The following VASP variants were observed in gnomAD, a reference collection of about 807,000 sequenced individuals.
VASP encodes the protein vasodilator stimulated phosphoprotein, also known as vasodilator-stimulated phosphoprotein.
VASP carries 27 observed loss-of-function variants against 54.4 expected under a neutral mutation model. The observed-to-expected ratio is 0.50, with a 90% CI of 0.37 to 0.68. The LOEUF (loss-of-function observed/expected upper bound fraction) is 0.68, where lower values mean the gene tolerates loss of function less well. Among genes scored for constraint, VASP ranks in the 30% least tolerant of loss-of-function variants. The pLI, the probability that VASP is intolerant of heterozygous loss-of-function variation, is 0.00. For missense variants in VASP, 488 were observed against 528.3 expected (o/e 0.92, Z 0.75); for synonymous variants, 233 against 209.8 (o/e 1.11, Z -0.96).
At chr19:45,513,057 G>A (rs4802259) in intron 1 of VASP, among the ~76,000 whole-genome samples, 1 of 151,858 alleles carries the variant, frequency 6.6e-6, no homozygotes, top group African/African-American at 2.4e-5. Context: ...TGTGTGATCT[G>A]GGGCAAGTGC....
intron 6 of VASP, 26 bp downstream of exon 6, chr19:45,522,607 G>A (rs1968865829): frequency 6.7e-7 from 1 of 1,498,442 alleles, no homozygotes; most frequent in African/African-American, 1.4e-5. Context: ...AGGTGGGCAG[G>A]GGGCAACAGG....
At chr19:45,521,263 G>A (rs934677373) in intron 3 of VASP, 59 bp from the exon 4 acceptor site, 19 of 1,485,948 alleles carry the variant, frequency 1.3e-5, no homozygotes, top group Admixed American at 3.9e-5. Flanking sequence ...CAAGGGAAGC[G>A]CCAAGAGCTG....
Position 45,523,190 on chromosome 19 carries a change from A to ATTTTTTTTTTTTTT in VASP, c.821+389_821+402dup, listed in dbSNP as rs61288703. On this transcript the variant is annotated intron_variant, in intron 7 of 12. Transcript: ENST00000245932. ...TGATTCTAGAACCACAATCTCTTGA[A>ATTTTTTTTTTTTTT]TTTTTTTTTTTTTTTTTTTTTTTTT... 4.0e-5 allele frequency among the ~76,000 whole-genome samples: 3 copies of ATTTTTTTTTTTTTT among 74,730 alleles called. 1 individual carries two copies. Among genetic ancestry groups the ATTTTTTTTTTTTTT allele is most frequent in the East Asian group, 9.1e-4 (2 of 2,194 alleles). 49.0% of individuals were successfully genotyped at this position (74,730 alleles called of 152,430 possible). A position where few individuals can be genotyped will look rare whatever the true frequency, so the allele number is the denominator to read the frequency against.
intron 9 of VASP, 71 bp downstream of exon 9, chr19:45,523,948 C>A: frequency 3.7e-6 from 6 of 1,610,684 alleles, no homozygotes; most frequent in Non-Finnish European, 5.1e-6. Context: ...ATGTTAAGCA[C>A]CCTTATAGGA....
Position 45,507,667 on chromosome 19 carries a change from G to A in VASP, c.-105G>A. ...GACTCTATGGGGCGGGACCCTGGGG[G>A]AGCCTGAGCCGAGCCCGGAGCCAGC... On this transcript the variant is annotated 5_prime_UTR_variant, in exon 1 of 13. Coordinates refer to ENST00000245932, the MANE Select transcript of VASP (RefSeq NM_003370.4). The surrounding 1 kb of genome is among the most constrained non-coding windows in gnomAD (Gnocchi z 4.4). The A allele has an allele frequency of 2.1e-6, 3 of 1,434,324 alleles. No individual in the cohort carries two copies. The highest frequency in any genetic ancestry group is 2.8e-6 in the Non-Finnish European group (3 of 1,068,234). The allele number at this position is 1,434,324 out of a possible 1,614,324, so 88.8% of individuals were successfully genotyped here. A position where few individuals can be genotyped will look rare whatever the true frequency, so the allele number is the denominator to read the frequency against.
intron 1 of VASP, among the ~76,000 whole-genome samples, chr19:45,508,605 A>G (rs1185575905): frequency 6.6e-6 from 1 of 152,096 alleles, no homozygotes; most frequent in Non-Finnish European, 1.5e-5. Flanking sequence ...CTGTCGAGAC[A>G]GCTGGTGTGG....
chr19:45,509,395 C>CT (rs1348081220), intron 1 of VASP, among the ~76,000 whole-genome samples: 1 of 152,174 alleles, frequency 6.6e-6, no homozygotes, highest in Non-Finnish European at 1.5e-5. Flanking sequence ...CCCTCCACCC[C>CT]CCCTCGCGTT....
chr19:45,512,800 T>C (rs1051600478), intron 1 of VASP, among the ~76,000 whole-genome samples: 13 of 151,558 alleles, frequency 8.6e-5, no homozygotes, highest in Non-Finnish European at 1.6e-4. Context: ...GGGGTTTCGC[T>C]ATGTTGCCCA....
rs756994412 is a variant in VASP at position 45,525,923 on chromosome 19, T to G, written c.1048-23T>G. ...GCAAGTCCCGGTACCCCCTCCTGAT[T>G]AGTTTTACCCCATTAATTTTAGGAG... On this transcript the variant is annotated intron_variant, in intron 11 of 12. Transcript: ENST00000245932. 1.0e-5 allele frequency: 16 copies of G among 1,603,258 alleles called. No individual in the cohort carries two copies. The South Asian group carries it at 1.7e-4, about 17-fold the overall frequency.
intron 1 of VASP, among the ~76,000 whole-genome samples, chr19:45,510,550 A>G (rs1449708973): frequency 6.6e-6 from 1 of 152,100 alleles, no homozygotes; most frequent in Non-Finnish European, 1.5e-5. Context: ...GAACAATGAT[A>G]CTATTACAAC....
chr19:45,522,208 T>G lies in VASP; in HGVS notation c.469T>G (p.Ser157Ala). ...GTCGGAGCACATAGAGCGCCGGGTCTCCAATGCAGGTGATGCTCAGATAGC... is the reference window on the plus strand; with the variant it reads ...GTCGGAGCACATAGAGCGCCGGGTCGCCAATGCAGGTGATGCTCAGATAGC... ...GPSEHIERRV[S>A]NAGGPPAPPA... is the part of the protein sequence containing the mutation. Residue 157 changes from serine to alanine, a missense_variant, in exon 5 of 13, where the codon TCC becomes GCC. Ser to Ala is a moderately conservative substitution (Grantham distance 99). Coordinates refer to ENST00000245932, the MANE Select transcript of VASP (RefSeq NM_003370.4). The G allele has an allele frequency of 6.2e-7, 1 of 1,614,144 alleles. No individual in the cohort carries two copies. Among genetic ancestry groups the G allele is most frequent in the Non-Finnish European group, 8.5e-7 (1 of 1,180,024 alleles).
In VASP at chr19:45,523,985, TGTAGTCTCCTGA is replaced by T. The variant is rs1968903611; in HGVS notation, c.910+110_911-99del. 1.2e-5 allele frequency: 19 copies of T among 1,609,470 alleles called. No individual in the cohort carries two copies. In the South Asian group the frequency reaches 1.9e-4, roughly 16 times the overall value. On this transcript the variant is annotated intron_variant, in intron 9 of 12. Coordinates refer to ENST00000245932, the MANE Select transcript of VASP (RefSeq NM_003370.4). Reference sequence around the variant, plus strand: ...AGTCAGGGCGAATGGTGCTGGGGATTGTAGTCTCCTGAGATGGGGCTTTGATCAGGGGCTGAT... The same window carrying T: ...AGTCAGGGCGAATGGTGCTGGGGATTGATGGGGCTTTGATCAGGGGCTGAT...
Position 45,516,983 on chromosome 19 carries a change from CAAA to C in VASP, c.6-659_6-657del, listed in dbSNP as rs112095290. On this transcript the variant is annotated intron_variant, in intron 1 of 12. Transcript: ENST00000245932. ...CGGGTGACAGAGTAAGACTCTGTCT[CAAA>C]AAAAAAAAAAAAAAAAAAAAGATTA... Among the ~76,000 whole-genome samples, 9 of 57,860 alleles carry C rather than the reference CAAA, an allele frequency of 1.6e-4. No individual in the cohort carries two copies. In the South Asian group the frequency reaches 2.7e-3, roughly 17 times the overall value. 38.0% of individuals were successfully genotyped at this position (57,860 alleles called of 152,430 possible). A position where few individuals can be genotyped will look rare whatever the true frequency, so the allele number is the denominator to read the frequency against.
In VASP at chr19:45,520,758, G is replaced by A. The variant is rs547689784; in HGVS notation, c.344-564G>A. On this transcript the variant is annotated intron_variant, in intron 3 of 12. Coordinates refer to ENST00000245932, the MANE Select transcript of VASP (RefSeq NM_003370.4). ...GCAAGTGGATCACTTGAGGTCAGGA[G>A]TTCGAGACCAGCCTAGCCAACATGG... Among the ~76,000 whole-genome samples the A allele has an allele frequency of 4.6e-5, 7 of 152,332 alleles. No individual in the cohort carries two copies. The Middle Eastern group carries it at 0.014, about 296-fold the overall frequency.
chr19:45,519,914 T>C (rs1368354078), intron 3 of VASP, among the ~76,000 whole-genome samples: 1 of 126,790 alleles, frequency 7.9e-6, no homozygotes, highest in African/African-American at 3.2e-5. Context: ...TTTTTTTTTT[T>C]TTTTTTTTAA....
chr19:45,509,391 A>C (rs1197242938), intron 1 of VASP, among the ~76,000 whole-genome samples: 177 of 132,468 alleles, frequency 1.3e-3, no homozygotes, highest in Non-Finnish European at 1.4e-3. Context: ...CCGCCCCTCC[A>C]CCCCCCCTCG....
At chr19:45,509,323 T>A (rs371618044) in intron 1 of VASP, among the ~76,000 whole-genome samples, 2 of 152,008 alleles carry the variant, frequency 1.3e-5, no homozygotes, top group Admixed American at 6.6e-5. Context: ...TTAGGGAGCG[T>A]CGCTCTCTTC....
rs976784735 is a variant in VASP at position 45,522,113 on chromosome 19, C to G, written c.429-55C>G. 1.2e-5 allele frequency: 20 copies of G among 1,609,692 alleles called. No homozygotes were observed. In the Admixed American group the frequency reaches 2.2e-4, roughly 17 times the overall value. On this transcript the variant is annotated intron_variant, in intron 4 of 12. Coordinates refer to ENST00000245932, the MANE Select transcript of VASP (RefSeq NM_003370.4). ...AGAGGACGGAGGTCGCTGGCCCCTT[C>G]GCTGGCCATCCTTAGGGCCCTGATT... is the stretch of plus-strand genomic sequence containing the variant.
In VASP at chr19:45,522,816, G is replaced by T. The variant is rs1400323499; in HGVS notation, c.819G>T (p.Arg273=). 1.9e-6 allele frequency: 3 copies of T among 1,606,148 alleles called. No homozygotes were observed. The highest frequency in any genetic ancestry group is 2.5e-6 in the Non-Finnish European group (3 of 1,177,260). Residue 273 remains arginine (R), a splice_region_variant and synonymous_variant, in exon 7 of 13, where the codon CGG becomes CGT. Coordinates refer to ENST00000245932, the MANE Select transcript of VASP (RefSeq NM_003370.4). ...LMEEMNAMLA[R]RRKATQVGEK... is the part of the protein sequence containing the mutation. ...AAGAGATGAACGCCATGCTGGCCCG[G>T]AGGTGAGCCTGAGCCTGGACCCCCA...
Sources: gnomAD v4.1 joint callset for allele counts (sites outside exome capture counted in the v4.1 genomes callset) on GRCh38, gnomAD v4.1.1 for gene constraint, Gnocchi (gnomAD v3.1) non-coding constraint, MANE v1.5 for transcripts, NCBI Gene and HGNC (gene_info 2026-07-23, HGNC 2026-07-21) for gene names.